Variants in ANO3 observed in about 807,000 individuals in gnomAD.
The protein encoded by ANO3 is anoctamin 3.
In ANO3, 99 loss-of-function variants were observed where a neutral mutation model predicts 144.8. The observed-to-expected ratio is 0.68, with a 90% CI of 0.58 to 0.81. ANO3 has a LOEUF of 0.81. ANO3 is among the 30% of genes least tolerant of loss of function. The pLI, the probability that ANO3 is intolerant of heterozygous loss-of-function variation, is 0.00. For missense variants in ANO3, 905 were observed against 1,202.2 expected (o/e 0.75, Z 3.66); for synonymous variants, 414 against 392.6 (o/e 1.05, Z -0.64).
At chr11:26,251,372 T>A (rs549812509) in intron 1 of ANO3, among the ~76,000 whole-genome samples, 1 of 152,322 alleles carries the variant, frequency 6.6e-6, no homozygotes, top group South Asian at 2.1e-4. Flanking sequence ...TGAAATCCAA[T>A]GCAATGGATG....
intron 6 of ANO3, among the ~76,000 whole-genome samples, chr11:26,517,320 A>G (rs1861901681): frequency 6.6e-6 from 1 of 152,034 alleles, no homozygotes; most frequent in African/African-American, 2.4e-5. Context: ...CTGTATAGTC[A>G]TTAGCAAGAA....
At chr11:26,502,998 T>G (rs1590426425) in intron 4 of ANO3, among the ~76,000 whole-genome samples, 1 of 152,156 alleles carries the variant, frequency 6.6e-6, no homozygotes, top group Non-Finnish European at 1.5e-5. Flanking sequence ...TTGCAAAGTG[T>G]TCCTACTCAA....
At chr11:26,645,766 A>G (rs1853324225) in intron 23 of ANO3, among the ~76,000 whole-genome samples, 1 of 152,158 alleles carries the variant, frequency 6.6e-6, no homozygotes, top group South Asian at 2.1e-4. Context: ...TTTAATACTT[A>G]GATAATGGGT....
chr11:26,567,127 C>A, intron 14 of ANO3: 4 of 1,434,646 alleles, frequency 2.8e-6, no homozygotes, highest in South Asian at 1.6e-5. Flanking sequence ...CTCACAATGG[C>A]TAGTAACAGA....
At chr11:26,660,237 G>A (rs1451472173) in intron 26 of ANO3, 25 bp from the exon 27 acceptor site, 1 of 1,603,976 alleles carries the variant, frequency 6.2e-7, no homozygotes, top group Non-Finnish European at 8.5e-7. Context: ...TTTGAAAACT[G>A]TCCTTTTCAC....
intron 1 of ANO3, among the ~76,000 whole-genome samples, chr11:26,201,140 A>C (rs1187978775): frequency 6.6e-6 from 1 of 152,176 alleles, no homozygotes. Context: ...TATAAGCACC[A>C]TGTGCCCACA....
chr11:26,503,830 C>T (rs1207811785), intron 4 of ANO3, among the ~76,000 whole-genome samples: 2 of 152,034 alleles, frequency 1.3e-5, no homozygotes, highest in Non-Finnish European at 2.9e-5. Flanking sequence ...TGTTAGCGTT[C>T]CATTTTCAGT....
intron 13 of ANO3, among the ~76,000 whole-genome samples, chr11:26,557,997 C>A (rs1850139056): frequency 6.6e-6 from 1 of 152,112 alleles, no homozygotes. Flanking sequence ...CTCCTTCTAG[C>A]TTTATCTCCC....
At chr11:26,487,479 C>G (rs1192401368) in intron 4 of ANO3, among the ~76,000 whole-genome samples, 1 of 152,078 alleles carries the variant, frequency 6.6e-6, no homozygotes, top group Non-Finnish European at 1.5e-5. Context: ...AGTAGAGTGG[C>G]GTGTTCCTGA....
chr11:26,462,392 A>G (rs1859433741), intron 3 of ANO3, among the ~76,000 whole-genome samples: 1 of 151,854 alleles, frequency 6.6e-6, no homozygotes, highest in Admixed American at 6.6e-5. Context: ...ATATTATTTT[A>G]CATTAATTAC....
intron 1 of ANO3, among the ~76,000 whole-genome samples, chr11:26,314,068 G>T (rs1854567314): frequency 6.6e-6 from 1 of 152,036 alleles, no homozygotes; most frequent in Admixed American, 6.6e-5. Context: ...CCACAATGGA[G>T]AGAGAGTTTA....
intron 12 of ANO3, among the ~76,000 whole-genome samples, chr11:26,552,488 A>G (rs1409441830): frequency 6.6e-6 from 1 of 152,082 alleles, no homozygotes; most frequent in East Asian, 1.9e-4. Context: ...AGGGCCATGT[A>G]TGAGAGGAAA....
intron 1 of ANO3, among the ~76,000 whole-genome samples, chr11:26,196,117 C>T (rs1298397887): frequency 1.3e-5 from 2 of 152,090 alleles, no homozygotes; most frequent in Admixed American, 6.6e-5. Flanking sequence ...CTAACAAATA[C>T]TCATATTACC....
chr11:26,642,626 C>T (rs1853204321), intron 22 of ANO3, among the ~76,000 whole-genome samples: 1 of 152,124 alleles, frequency 6.6e-6, no homozygotes, highest in Non-Finnish European at 1.5e-5. Context: ...GCTGGGATTA[C>T]AGGCCTGAGC....
chr11:26,300,206 A>G lies in ANO3; in HGVS notation c.155-9439A>G, dbSNP rs995926086. ...GCGATGCCCATGCAAGCACGCACGC[A>G]CACACACACAGACACACACACACAG... On this transcript the variant is annotated intron_variant, in intron 1 of 27. Coordinates refer to the ANO3 transcript ENST00000672621. 3.3e-5 allele frequency among the ~76,000 whole-genome samples: 5 copies of G among 151,880 alleles called. No homozygotes were observed. The South Asian group carries it at 1.0e-3, about 32-fold the overall frequency.
At chr11:26,384,158 C>G (rs148023080) in intron 1 of ANO3, among the ~76,000 whole-genome samples, 21,821 of 151,950 alleles carry the variant, frequency 0.14, 1,693 homozygotes, top group South Asian at 0.27. Flanking sequence ...CCTTGGCCTC[C>G]CAAAGTGCTG....
chr11:26,555,280 A>T lies in ANO3; in HGVS notation c.1386+1935A>T, dbSNP rs78128284. On this transcript the variant is annotated intron_variant, in intron 13 of 26. Transcript: ENST00000256737. ...TAAGAGTTATTAGATGTATACACATATGTCTCTCTCCTAGCCTATGATTTT... is the reference window on the plus strand; with the variant it reads ...TAAGAGTTATTAGATGTATACACATTTGTCTCTCTCCTAGCCTATGATTTT... Among the ~76,000 whole-genome samples the T allele has an allele frequency of 3.5e-4, 54 of 152,300 alleles. No individual in the cohort carries two copies. The East Asian group carries it at 8.5e-3, about 24-fold the overall frequency.
chr11:26,382,842 T>C (rs1398932782), intron 1 of ANO3, among the ~76,000 whole-genome samples: 1 of 152,186 alleles, frequency 6.6e-6, no homozygotes, highest in African/African-American at 2.4e-5. Flanking sequence ...TGGAGAGATG[T>C]CAAAGAGTTG....
At chr11:26,604,705 C>T (rs1232975017) in intron 17 of ANO3, among the ~76,000 whole-genome samples, 1 of 152,012 alleles carries the variant, frequency 6.6e-6, no homozygotes, top group Admixed American at 6.6e-5. Context: ...TATGATTTGG[C>T]TCTCTGCTTG....
Sources: gnomAD v4.1 joint callset for allele counts (sites outside exome capture counted in the v4.1 genomes callset) on GRCh38, gnomAD v4.1.1 for gene constraint, MANE v1.5 for transcripts, NCBI Gene and HGNC (gene_info 2026-07-23, HGNC 2026-07-21) for gene names.